ELN: variants seen among roughly 807,000 people sequenced by gnomAD.
ELN encodes the protein tropoelastin.
In ELN, 65 loss-of-function variants were observed where a neutral mutation model predicts 105.8. The ratio of observed to expected loss-of-function variants is 0.61; its 90% CI spans 0.50 to 0.75. ELN has a LOEUF of 0.75. Among genes scored for constraint, ELN ranks in the 30% least tolerant of loss-of-function variants. ELN has a pLI of 0.00. For synonymous variants in ELN, 368 were observed against 389.2 expected (o/e 0.95, Z 0.64); for missense variants, 882 against 969.4 (o/e 0.91, Z 1.20).
chr7:74,047,016 A>T (rs535391556), intron 12 of ELN, among the ~76,000 whole-genome samples: 2 of 152,160 alleles, frequency 1.3e-5, no homozygotes, highest in Non-Finnish European at 2.9e-5. Flanking sequence ...CCCAGAAGGC[A>T]GAGGTTGCAG....
chr7:74,041,398 GC>G (rs1791189568), intron 5 of ELN, 147 bp downstream of exon 5: 2 of 973,290 alleles, frequency 2.1e-6, no homozygotes, highest in Admixed American at 3.9e-5. Flanking sequence ...GATACCAACT[GC>G]CCCAAGCAGC....
intron 15 of ELN, among the ~76,000 whole-genome samples, chr7:74,049,068 T>TATCC (rs57228775): frequency 0.94 from 125,090 of 133,548 alleles, 58,638 homozygotes; most frequent in Non-Finnish European, 0.97. Context: ...TCCATCCATC[T>TATCC]ATCCATCCAT....
chr7:74,029,864 T>C (rs369807054), intron 1 of ELN, among the ~76,000 whole-genome samples: 1 of 152,202 alleles, frequency 6.6e-6, no homozygotes, highest in Admixed American at 6.5e-5. Flanking sequence ...ACAAGGAAGC[T>C]GAGGCTCCGG....
In ELN at chr7:74,058,078, TCTC is replaced by T. The variant is rs1160955088; in HGVS notation, c.1414+394_1414+396del. Among the ~76,000 whole-genome samples the T allele has an allele frequency of 1.3e-3, 190 of 151,188 alleles. 1 individual carries two copies. The highest frequency in any genetic ancestry group is 3.9e-3 in the African/African-American group (161 of 41,182). The stretch of plus-strand genomic sequence containing the variant: ...CTTCCTTCTTCTTCTTCTTCTTTCT[TCTC>T]CTCCTCCTCCTTCTCCTTCTCCCTC... On this transcript the variant is annotated intron_variant, in intron 22 of 32. Coordinates refer to ENST00000252034, the MANE Select transcript of ELN (RefSeq NM_000501.4).
In ELN at chr7:74,043,038, C is replaced by T. The variant is rs557524753; in HGVS notation, c.376+4C>T. 13 of 1,614,158 alleles carry T rather than the reference C, an allele frequency of 8.1e-6. No individual in the cohort carries two copies. The highest frequency in any genetic ancestry group is 1.6e-4 in the Middle Eastern group (1 of 6,062). ...GGTGGCTTAGGAGTGTCTGCAGGTA[C>T]GATGGCTATCCCCGAACTCCCTGGG... is the stretch of plus-strand genomic sequence containing the variant. On this transcript the variant is annotated splice_donor_region_variant and intron_variant, in intron 7 of 32. Coordinates refer to ENST00000252034, the MANE Select transcript of ELN (RefSeq NM_000501.4).
intron 3 of ELN, among the ~76,000 whole-genome samples, chr7:74,036,914 A>G (rs934995303): frequency 1.3e-5 from 2 of 151,974 alleles, no homozygotes; most frequent in Non-Finnish European, 2.9e-5. Flanking sequence ...TCTGCCTCCC[A>G]GGTTCAAGTG....
At chr7:74,052,052 A>T in intron 17 of ELN, 69 bp downstream of exon 17, 1 of 1,578,880 alleles carries the variant, frequency 6.3e-7, no homozygotes, top group South Asian at 1.1e-5. Flanking sequence ...CCCTAGCCGC[A>T]AAGCCAGATG....
At chr7:74,035,551 T>A in intron 2 of ELN, 137 bp downstream of exon 2, 3 of 1,028,084 alleles carry the variant, frequency 2.9e-6, no homozygotes, top group Non-Finnish European at 3.0e-6. Flanking sequence ...AAAATGCAAT[T>A]AACAAGACAT....
intron 25 of ELN, 37 bp from the exon 26 acceptor site, chr7:74,061,064 G>A (rs782779134): frequency 3.2e-5 from 51 of 1,613,808 alleles, no homozygotes; most frequent in Middle Eastern, 3.3e-4. Flanking sequence ...CACAGAGCTC[G>A]GCTCCTGACC....
intron 1 of ELN, among the ~76,000 whole-genome samples, chr7:74,032,804 A>G (rs1554663243): frequency 6.6e-6 from 1 of 152,190 alleles, no homozygotes; most frequent in African/African-American, 2.4e-5. Flanking sequence ...AGCCCAAGGC[A>G]GGGGGACTCC....
Position 74,057,410 on chromosome 7 carries a change from G to A in ELN, c.1358-230G>A, listed in dbSNP as rs550475158. ...CTGCAGGAGCAGGAGTGCTGGGTGG[G>A]CTAGTGCCAGGTGCCCCAGGCGCAG... On this transcript the variant is annotated intron_variant, in intron 21 of 32. Coordinates refer to ENST00000252034, the MANE Select transcript of ELN (RefSeq NM_000501.4). The A allele has an allele frequency of 7.9e-6, 12 of 1,513,388 alleles. No individual in the cohort carries two copies. In the East Asian group the frequency reaches 2.5e-4, roughly 31 times the overall value. The allele number at this position is 1,513,388 out of a possible 1,614,324, so 93.7% of individuals were successfully genotyped here. A position where few individuals can be genotyped will look rare whatever the true frequency, so the allele number is the denominator to read the frequency against.
chr7:74,041,091 C>A, intron 4 of ELN, 125 bp from the exon 5 acceptor site: 1 of 1,233,056 alleles, frequency 8.1e-7, no homozygotes, highest in Non-Finnish European at 1.2e-6. Flanking sequence ...CTGAGCATCA[C>A]AGGCTTAGGG....
chr7:74,058,962 G>A (rs938344226), intron 22 of ELN, among the ~76,000 whole-genome samples: 13 of 151,882 alleles, frequency 8.6e-5, no homozygotes, highest in Non-Finnish European at 1.3e-4. Context: ...TCACATTGTC[G>A]CCCAGGTTGG....
chr7:74,045,942 G>C (rs922033300), intron 10 of ELN: 15 of 544,152 alleles, frequency 2.8e-5, no homozygotes, highest in Non-Finnish European at 4.3e-5. Flanking sequence ...GGCTGAGGCG[G>C]GAGAATCGCC....
intron 9 of ELN, 130 bp from the exon 10 acceptor site, chr7:74,045,092 C>T: frequency 1.0e-6 from 1 of 990,448 alleles, no homozygotes. Flanking sequence ...CTCCACCCAC[C>T]CCGTGAGCCG....
chr7:74,043,653 C>A, intron 8 of ELN: 1 of 654,076 alleles, frequency 1.5e-6, no homozygotes, highest in Non-Finnish European at 2.7e-6. Context: ...GCCATGTAAA[C>A]AGGCTCCAGG....
At chr7:74,068,560 C>T (rs1798493093) in intron 32 of ELN, 97 bp from the exon 33 acceptor site, 3 of 1,507,024 alleles carry the variant, frequency 2.0e-6, no homozygotes, top group East Asian at 2.3e-5. Context: ...CTCTTGGCTT[C>T]TTGGAGCCTC....
intron 1 of ELN, among the ~76,000 whole-genome samples, chr7:74,033,147 CA>C (rs1403000597): frequency 2.0e-5 from 3 of 152,218 alleles, no homozygotes; most frequent in African/African-American, 7.2e-5. Context: ...AACCGATGTT[CA>C]GAGAGGTTGA....
At chr7:74,049,406 CCATCCATCCATCCCCT>C (rs1554674601) in intron 15 of ELN, among the ~76,000 whole-genome samples, 1 of 151,226 alleles carries the variant, frequency 6.6e-6, no homozygotes, top group East Asian at 2.0e-4. Flanking sequence ...ATCTATGCAC[CCATCCATCCATCCCCT>C]CATCCATCCA....
Sources: gnomAD v4.1 joint callset for allele counts (sites outside exome capture counted in the v4.1 genomes callset) on GRCh38, gnomAD v4.1.1 for gene constraint, MANE v1.5 for transcripts, NCBI Gene and HGNC (gene_info 2026-07-23, HGNC 2026-07-21) for gene names.